The following LHX6 variants were observed in gnomAD, a reference collection of about 807,000 sequenced individuals.
LHX6 encodes the protein LIM/homeobox protein Lhx6.
A neutral mutation model predicts 47.1 loss-of-function variants in LHX6; 15 were observed. The observed-to-expected ratio is 0.32, with a 90% CI of 0.21 to 0.49. The LOEUF (loss-of-function observed/expected upper bound fraction) is 0.49. Among genes scored for constraint, LHX6 ranks in the 20% least tolerant of loss-of-function variants. The pLI, the probability that LHX6 is intolerant of heterozygous loss-of-function variation, is 0.99. For synonymous variants in LHX6, 242 were observed against 233.5 expected, an observed-to-expected ratio of 1.04 and a Z score of -0.33; for missense variants, 404 against 539.6, an observed-to-expected ratio of 0.75 and a Z score of 2.49.
Position 122,204,657 on chromosome 9 carries a change from T to G in LHX6, c.*103A>C, listed in dbSNP as rs1830101575. The G allele has an allele frequency of 7.1e-7, 1 of 1,407,682 alleles. No individual in the cohort carries two copies. Among genetic ancestry groups the G allele is most frequent in the African/African-American group, 1.4e-5 (1 of 70,388 alleles). The allele number at this position is 1,407,682 out of a possible 1,614,324, so 87.2% of individuals were successfully genotyped here. On this transcript the variant is annotated 3_prime_UTR_variant, in exon 10 of 10. Coordinates refer to ENST00000394319, the MANE Select transcript of LHX6 (RefSeq NM_014368.5). The stretch of plus-strand genomic sequence containing the variant: ...GGGCAGGATGGCGGACGGGGGTGGA[T>G]GCGGAGGTGGGTGGACTCCTGGCCG...
At chr9:122,205,517 C>G (rs1830144980) in intron 9 of LHX6, among the ~76,000 whole-genome samples, 1 of 152,138 alleles carries the variant, frequency 6.6e-6, no homozygotes, top group African/African-American at 2.4e-5. Flanking sequence ...AAGTTCAGGT[C>G]AAGGATCACT....
At position 122,209,661 on chromosome 9, in the gene LHX6, G is replaced by T; in HGVS notation, c.1111C>A (p.His371Asn). ...GGCCCATCCATATCGGCTTTGAGGT[G>T]GACGGGGGGTGCGGTGTAAGGCAGC... Reference protein sequence around the residue: ...CRLPYTAPPVHLKADMDGPLS... With the variant: ...CRLPYTAPPVNLKADMDGPLS... The change falls in exon 9 of 10, where the codon CAC becomes AAC. Residue 371 changes from histidine (H) to asparagine (N), a missense_variant. Coordinates refer to ENST00000394319, the MANE Select transcript of LHX6 (RefSeq NM_014368.5). 3 of 1,401,622 alleles carry T rather than the reference G, an allele frequency of 2.1e-6. No homozygotes were observed. Among genetic ancestry groups the T allele is most frequent in the East Asian group, 2.3e-5 (1 of 43,890 alleles). The allele number at this position is 1,401,622 out of a possible 1,614,324, so 86.8% of individuals were successfully genotyped here. A position where few individuals can be genotyped will look rare whatever the true frequency, so the allele number is the denominator to read the frequency against.
In LHX6 at chr9:122,209,787, T is replaced by C. The variant is rs970066994; in HGVS notation, c.1055-70A>G. ...ACAGGATCCCACCTGCCCCGTGCTC[T>C]CTACAGACTGGAGCCCTGAAACCAG... On this transcript the variant is annotated intron_variant, in intron 8 of 9. Coordinates refer to ENST00000394319, the MANE Select transcript of LHX6 (RefSeq NM_014368.5). 1.6e-5 allele frequency: 11 copies of C among 676,606 alleles called. No homozygotes were observed. In the East Asian group the frequency reaches 1.8e-4, roughly 11 times the overall value. The allele number at this position is 676,606 out of a possible 1,614,324, so 41.9% of individuals were successfully genotyped here. A position where few individuals can be genotyped will look rare whatever the true frequency, so the allele number is the denominator to read the frequency against.
At chr9:122,210,306 T>C (rs1830354411) in intron 8 of LHX6, among the ~76,000 whole-genome samples, 1 of 152,200 alleles carries the variant, frequency 6.6e-6, no homozygotes, top group South Asian at 2.1e-4. Context: ...ATATGTGTTT[T>C]CATATTCATG....
At chr9:122,228,137 A>C (rs1588368011) in intron 1 of LHX6, 3 of 421,142 alleles carry the variant, frequency 7.1e-6, no homozygotes, top group East Asian at 9.7e-5. Flanking sequence ...ACGCGCGGCG[A>C]AATTGAAGCA....
rs1830295436 is a variant in LHX6 at position 122,208,934 on chromosome 9, G to GAC, written c.1158+678_1158+679dup. Among the ~76,000 whole-genome samples, 3 of 151,788 alleles carry GAC rather than the reference G, an allele frequency of 2.0e-5. No homozygotes were observed. In the South Asian group the frequency reaches 6.3e-4, roughly 32 times the overall value. On this transcript the variant is annotated intron_variant, in intron 9 of 9. Transcript: ENST00000394319. ...CCATTTCTAAAATGAAGGGTTGTCTGACAGCACTGGCTTTCGAGGCTAACT... is the reference window on the plus strand; with the variant it reads ...CCATTTCTAAAATGAAGGGTTGTCTGACACAGCACTGGCTTTCGAGGCTAACT...
Position 122,217,366 on chromosome 9 carries a change from G to A in LHX6, c.462-78C>T, listed in dbSNP as rs1830634712. On this transcript the variant is annotated intron_variant, in intron 4 of 9. Coordinates refer to ENST00000394319, the MANE Select transcript of LHX6 (RefSeq NM_014368.5). The surrounding 1 kb of genome is among the most constrained non-coding windows in gnomAD (Gnocchi z 4.9). ...TCCTCCTTCCACCACCCAATGGCCCGCCAGCCCCCAGGCTCCTGGCCTCTA... is the reference window on the plus strand; with the variant it reads ...TCCTCCTTCCACCACCCAATGGCCCACCAGCCCCCAGGCTCCTGGCCTCTA... The A allele has an allele frequency of 4.1e-6, 5 of 1,224,810 alleles. No individual in the cohort carries two copies. The highest frequency in any genetic ancestry group is 2.8e-5 in the South Asian group (2 of 70,496). The allele number at this position is 1,224,810 out of a possible 1,614,324, so 75.9% of individuals were successfully genotyped here.
intron 9 of LHX6, 69 bp downstream of exon 9, chr9:122,209,545 G>A (rs1588336756): frequency 3.1e-6 from 5 of 1,604,756 alleles, no homozygotes; most frequent in African/African-American, 2.7e-5. Flanking sequence ...GGTTAACAGA[G>A]GATGCTGCCA....
Position 122,228,848 on chromosome 9 carries a change from G to C in LHX6, c.-108C>G. ...CTGCTGCAGGAGCAGGAGGAGAGCC[G>C]AGGCGCCGGCCCCGCCGCCCCGGGC... On this transcript the variant is annotated 5_prime_UTR_variant, in exon 1 of 10. Coordinates refer to ENST00000394319, the MANE Select transcript of LHX6 (RefSeq NM_014368.5). The C allele has an allele frequency of 4.1e-6, 3 of 732,394 alleles. No individual in the cohort carries two copies. The South Asian group carries it at 1.9e-4, about 47-fold the overall frequency. The allele number at this position is 732,394 out of a possible 1,614,324, so 45.4% of individuals were successfully genotyped here. A position where few individuals can be genotyped will look rare whatever the true frequency, so the allele number is the denominator to read the frequency against.
chr9:122,211,668 G>A (rs546439363), intron 8 of LHX6, among the ~76,000 whole-genome samples: 1 of 152,354 alleles, frequency 6.6e-6, no homozygotes, highest in Non-Finnish European at 1.5e-5. Flanking sequence ...CCCAAGCTGA[G>A]TTCCACCACA....
chr9:122,213,957 G>GCCCACCCCCGT lies in LHX6; in HGVS notation c.879+6_879+16dup, dbSNP rs1830492418. 4 of 752,944 alleles carry GCCCACCCCCGT rather than the reference G, an allele frequency of 5.3e-6. No homozygotes were observed. Among genetic ancestry groups the GCCCACCCCCGT allele is most frequent in the East Asian group, 8.1e-5 (2 of 24,578 alleles). The allele number at this position is 752,944 out of a possible 1,614,324, so 46.6% of individuals were successfully genotyped here. ...GGCGTGCCCGCGGTCCCCAGGCCCC[G>GCCCACCCCCGT]CCCACCCCCGTCCCACCTGGATGAC... On this transcript the variant is annotated intron_variant, in intron 7 of 9. Coordinates refer to ENST00000394319, the MANE Select transcript of LHX6 (RefSeq NM_014368.5). This position sits in a 1 kb window ranked among gnomAD's most constrained non-coding sequence, Gnocchi z 5.5.
At chr9:122,210,032 C>G (rs1462814692) in intron 8 of LHX6, among the ~76,000 whole-genome samples, 2 of 152,142 alleles carry the variant, frequency 1.3e-5, no homozygotes, top group Non-Finnish European at 2.9e-5. Flanking sequence ...CCCACCACCA[C>G]GCCCAGCTAA....
intron 4 of LHX6, among the ~76,000 whole-genome samples, chr9:122,222,803 G>T (rs1830922895): frequency 6.6e-6 from 1 of 152,236 alleles, no homozygotes; most frequent in South Asian, 2.1e-4. Flanking sequence ...AAATGCCAGA[G>T]GTTAGAGGAC....
chr9:122,209,802 C>T (rs965671476), intron 8 of LHX6, 85 bp from the exon 9 acceptor site: 6 of 636,952 alleles, frequency 9.4e-6, no homozygotes, highest in Non-Finnish European at 1.4e-5. Flanking sequence ...AGACTGGAGC[C>T]CTGAAACCAG....
At chr9:122,210,844 T>A (rs1238748346) in intron 8 of LHX6, among the ~76,000 whole-genome samples, 1 of 152,208 alleles carries the variant, frequency 6.6e-6, no homozygotes, top group Non-Finnish European at 1.5e-5. Flanking sequence ...ATTACAGGTG[T>A]GAGCCACCAC....
chr9:122,212,990 C>A (rs1197935508), intron 8 of LHX6, among the ~76,000 whole-genome samples: 1 of 152,134 alleles, frequency 6.6e-6, no homozygotes, highest in Non-Finnish European at 1.5e-5. Flanking sequence ...AGGTGACTTG[C>A]CTAAGGCCTC....
chr9:122,218,696 GT>G (rs1172193985), intron 4 of LHX6, among the ~76,000 whole-genome samples: 1 of 151,786 alleles, frequency 6.6e-6, no homozygotes, highest in East Asian at 1.9e-4. Context: ...AACCCTTGGG[GT>G]TTGCAAAACC....
At position 122,214,098 on chromosome 9, in the gene LHX6, T is replaced by G. The variant is rs764777986; in HGVS notation, c.784-29A>C. ...CGGGGCGGGGAGGGCGGTGAGGCGC[T>G]CGCACGCAGAGACTCCGAGACCCCG... On this transcript the variant is annotated intron_variant, in intron 6 of 9. Coordinates refer to ENST00000394319, the MANE Select transcript of LHX6 (RefSeq NM_014368.5). The surrounding 1 kb of genome is among the most constrained non-coding windows in gnomAD (Gnocchi z 4.6). The G allele has an allele frequency of 3.8e-6, 6 of 1,579,670 alleles. No homozygotes were observed. In the South Asian group the frequency reaches 6.7e-5, roughly 18 times the overall value.
In LHX6 at chr9:122,209,593, A is replaced by T. The variant is rs374180508; in HGVS notation, c.1158+21T>A. On this transcript the variant is annotated intron_variant, in intron 9 of 9. Transcript: ENST00000394319. ...CAGCAGGGTGGCTCTGACCCACCAG[A>T]CCCAACCTGGCTCCATTTACCTTCT... The T allele has an allele frequency of 6.8e-6, 11 of 1,613,504 alleles. No individual in the cohort carries two copies. In the African/African-American group the frequency reaches 1.5e-4, roughly 22 times the overall value.
Sources: gnomAD v4.1 joint callset for allele counts (sites outside exome capture counted in the v4.1 genomes callset) on GRCh38, gnomAD v4.1.1 for gene constraint, Gnocchi (gnomAD v3.1) non-coding constraint, MANE v1.5 for transcripts, NCBI Gene and HGNC (gene_info 2026-07-23, HGNC 2026-07-21) for gene names.